VRK1: variants seen among roughly 807,000 people sequenced by gnomAD.
VRK1 encodes serine/threonine-protein kinase VRK1.
In VRK1, 33 loss-of-function variants were observed where a neutral mutation model predicts 57.1. The ratio of observed to expected loss-of-function variants is 0.58; its 90% CI spans 0.44 to 0.77. The LOEUF (loss-of-function observed/expected upper bound fraction) is 0.77, where lower values mean the gene tolerates loss of function less well. Ranked by LOEUF, VRK1 falls within the 30% of genes least tolerant of loss-of-function variation. The pLI, the probability that VRK1 is intolerant of heterozygous loss-of-function variation, is 0.00. For synonymous variants in VRK1, 137 were observed against 147.8 expected, an observed-to-expected ratio of 0.93 and a Z score of 0.53; for missense variants, 413 against 477.3, an observed-to-expected ratio of 0.87 and a Z score of 1.25.
chr14:96,847,578 G>A (rs1021138642), intron 5 of VRK1, among the ~76,000 whole-genome samples: 2 of 152,158 alleles, frequency 1.3e-5, no homozygotes, highest in African/African-American at 4.8e-5. Flanking sequence ...GGGAGCTTCT[G>A]CAGAGCAGTA....
At chr14:96,815,458 G>T (rs937959477) in intron 1 of VRK1, among the ~76,000 whole-genome samples, 2 of 152,086 alleles carry the variant, frequency 1.3e-5, no homozygotes, top group Non-Finnish European at 2.9e-5. Flanking sequence ...TAGAATCTAG[G>T]ATTCTCTGAA....
intron 5 of VRK1, among the ~76,000 whole-genome samples, chr14:96,849,662 C>T (rs562709172): frequency 6.6e-6 from 1 of 152,108 alleles, no homozygotes; most frequent in Non-Finnish European, 1.5e-5. Flanking sequence ...GTAAGGGGCA[C>T]AGAGTAAGTG....
At position 96,846,329 on chromosome 14, in the gene VRK1, G is replaced by A. The variant is rs184896940; in HGVS notation, c.286+165G>A. Reference sequence around the variant, plus strand: ...TGTGAAAGAATTCTGGTCTTTTAATGGGTTTGTTGCATCAAGATTTTATCT... The same window carrying A: ...TGTGAAAGAATTCTGGTCTTTTAATAGGTTTGTTGCATCAAGATTTTATCT... On this transcript the variant is annotated intron_variant, in intron 4 of 12. Coordinates refer to ENST00000216639, the MANE Select transcript of VRK1 (RefSeq NM_003384.3). Among the ~76,000 whole-genome samples, 100 of 152,180 alleles carry A rather than the reference G, an allele frequency of 6.6e-4. No homozygotes were observed. The Middle Eastern group carries it at 0.014, about 21-fold the overall frequency.
At chr14:96,830,779 T>C (rs553967371) in intron 1 of VRK1, among the ~76,000 whole-genome samples, 1 of 152,212 alleles carries the variant, frequency 6.6e-6, no homozygotes, top group Non-Finnish European at 1.5e-5. Context: ...TGAGTGTATG[T>C]CATTCTCTAG....
intron 11 of VRK1, among the ~76,000 whole-genome samples, chr14:96,863,212 A>C (rs921065199): frequency 2.0e-5 from 3 of 152,234 alleles, no homozygotes; most frequent in Non-Finnish European, 4.4e-5. Context: ...CTGCCCTTAA[A>C]AAGTACAAAG....
Position 96,820,569 on chromosome 14 carries a change from C to G in VRK1, c.-5-12898C>G, listed in dbSNP as rs1401204279. ...GCTGCTTTACAACCCATTTTGAACT[C>G]GAATAAGAAAATTGCTCAAATTTGC... On this transcript the variant is annotated intron_variant, in intron 1 of 12. Coordinates refer to ENST00000216639, the MANE Select transcript of VRK1 (RefSeq NM_003384.3). Among the ~76,000 whole-genome samples the G allele has an allele frequency of 2.0e-5, 3 of 152,102 alleles. 1 individual carries two copies. Among genetic ancestry groups the G allele is most frequent in the South Asian group, 4.1e-4 (2 of 4,830 alleles).
intron 1 of VRK1, among the ~76,000 whole-genome samples, chr14:96,806,966 A>G (rs1470875875): frequency 6.6e-6 from 1 of 152,086 alleles, no homozygotes; most frequent in Non-Finnish European, 1.5e-5. Context: ...ACAAGCCACC[A>G]TTCCTGGCCC....
At chr14:96,849,866 A>G (rs187297261) in intron 5 of VRK1, among the ~76,000 whole-genome samples, 466 of 152,330 alleles carry the variant, frequency 3.1e-3, no homozygotes, top group Non-Finnish European at 5.1e-3. Context: ...GTTCAGAACC[A>G]GTTAAACAGG....
At chr14:96,814,125 T>C (rs1204199055) in intron 1 of VRK1, among the ~76,000 whole-genome samples, 1 of 152,214 alleles carries the variant, frequency 6.6e-6, no homozygotes, top group Non-Finnish European at 1.5e-5. Flanking sequence ...TATAGATTAC[T>C]CATTTAGGAT....
intron 10 of VRK1, among the ~76,000 whole-genome samples, chr14:96,859,235 G>A (rs1418295709): frequency 2.0e-5 from 3 of 151,328 alleles, no homozygotes; most frequent in African/African-American, 2.4e-5. Flanking sequence ...TGCATTTTAC[G>A]ACCTTGTTAA....
At position 96,860,715 on chromosome 14, in the gene VRK1, A is replaced by G; in HGVS notation, c.1048A>G (p.Lys350Glu). The G allele has an allele frequency of 6.2e-7, 1 of 1,613,096 alleles. No individual in the cohort carries two copies. The highest frequency in any genetic ancestry group is 8.5e-7 in the Non-Finnish European group (1 of 1,179,394). Residue 350 changes from lysine (K) to glutamate (E), a missense_variant, in exon 11 of 13, where the codon AAA (lysine) becomes GAA (glutamate). Transcript: ENST00000216639. The part of the protein sequence containing the change: ...DLSVVENGGL[K>E]AKTITKKRKK... Reference sequence around the variant, plus strand: ...CAGTGTTGTGGAGAATGGAGGTTTGAAAGCAAAAACAATAACAAAGGTGAA... The same window carrying G: ...CAGTGTTGTGGAGAATGGAGGTTTGGAAGCAAAAACAATAACAAAGGTGAA...
At chr14:96,830,573 G>C (rs1886964816) in intron 1 of VRK1, among the ~76,000 whole-genome samples, 1 of 151,864 alleles carries the variant, frequency 6.6e-6, no homozygotes, top group South Asian at 2.1e-4. Flanking sequence ...TTTTTAGCTT[G>C]TTTTGAAATA....
At chr14:96,819,721 T>C (rs1331920726) in intron 1 of VRK1, among the ~76,000 whole-genome samples, 1 of 152,222 alleles carries the variant, frequency 6.6e-6, no homozygotes, top group Admixed American at 6.5e-5. Context: ...TGCATCCTGC[T>C]GGTTGTGCAA....
At chr14:96,847,117 C>T in intron 4 of VRK1, 140 bp from the exon 5 acceptor site, 1 of 662,346 alleles carries the variant, frequency 1.5e-6, no homozygotes, top group Admixed American at 2.6e-5. Context: ...ATTCGTTATA[C>T]TGTATTCTTC....
In VRK1 at chr14:96,847,258, T is replaced by G. The variant is rs1332923681; in HGVS notation, c.288T>G (p.Ile96Met). The G allele has an allele frequency of 6.2e-7, 1 of 1,613,144 alleles. No individual in the cohort carries two copies. The highest frequency in any genetic ancestry group is 1.7e-5 in the Admixed American group (1 of 60,000). ...FYQRAAKPEQ[I>M]QKWIRTRKLK... The stretch of plus-strand genomic sequence containing the variant: ...ACAAAGATCTGTTTTAATTTGTAGT[T>G]CAGAAATGGATTCGTACCCGTAAGC... Residue 96 changes from isoleucine to methionine, a missense_variant and splice_region_variant, in exon 5 of 13, where the codon ATT (isoleucine) becomes ATG (methionine). Physicochemically the swap from Ile to Met is conservative, Grantham distance 10. Coordinates refer to ENST00000216639, the MANE Select transcript of VRK1 (RefSeq NM_003384.3).
intron 1 of VRK1, among the ~76,000 whole-genome samples, chr14:96,804,587 C>A (rs1478178064): frequency 1.3e-5 from 2 of 152,176 alleles, no homozygotes; most frequent in African/African-American, 4.8e-5. Context: ...ATATAAACTT[C>A]TGGCTAGATT....
chr14:96,826,307 A>G (rs1476391865), intron 1 of VRK1, among the ~76,000 whole-genome samples: 1 of 152,178 alleles, frequency 6.6e-6, no homozygotes, highest in African/African-American at 2.4e-5. Context: ...TTGAATATGT[A>G]TAGTTCCAAG....
At chr14:96,830,177 G>C (rs540121671) in intron 1 of VRK1, among the ~76,000 whole-genome samples, 1 of 152,140 alleles carries the variant, frequency 6.6e-6, no homozygotes, top group East Asian at 1.9e-4. Context: ...TTATATCTTG[G>C]TGATGGTCAT....
intron 1 of VRK1, among the ~76,000 whole-genome samples, chr14:96,802,740 T>G (rs1885713499): frequency 6.6e-6 from 1 of 152,244 alleles, no homozygotes; most frequent in South Asian, 2.1e-4. Context: ...ATGAATATTG[T>G]ATTAGTGTCA....
Sources: allele counts gnomAD v4.1 joint callset (sites outside exome capture counted in the v4.1 genomes callset), GRCh38; gene constraint gnomAD v4.1.1; transcripts MANE v1.5; gene names NCBI Gene and HGNC (gene_info 2026-07-23, HGNC 2026-07-21).